The following PSD3 variants were observed in gnomAD, a reference collection of about 807,000 sequenced individuals.
PSD3 encodes the protein pleckstrin and Sec7 domain containing 3.
PSD3 carries 49 observed loss-of-function variants against 105.5 expected under a neutral mutation model. That is an observed-to-expected ratio of 0.46 (90% CI 0.37 to 0.59). PSD3 has a LOEUF of 0.59. Ranked by LOEUF, PSD3 falls within the 20% of genes least tolerant of loss-of-function variation. PSD3 has a pLI of 0.00. For missense variants in PSD3, 1,561 were observed against 1,263.8 expected (o/e 1.24, Z -3.57); for synonymous variants, 557 against 457.8 (o/e 1.22, Z -2.77).
At chr8:18,561,654 G>A (rs970801079) in intron 14 of PSD3, among the ~76,000 whole-genome samples, 1 of 151,898 alleles carries the variant, frequency 6.6e-6, no homozygotes, top group East Asian at 1.9e-4. Flanking sequence ...AATTATACCT[G>A]GAAATACATA....
At chr8:19,073,565 A>T (rs1829345323) in intron 1 of PSD3, among the ~76,000 whole-genome samples, 1 of 145,816 alleles carries the variant, frequency 6.9e-6, no homozygotes, top group Non-Finnish European at 1.5e-5. Flanking sequence ...AAAAAAAAAA[A>T]AAAAAAAAAA....
intron 2 of PSD3, among the ~76,000 whole-genome samples, chr8:18,907,160 T>C (rs34973870): frequency 1.6e-3 from 248 of 152,332 alleles, no homozygotes; most frequent in Admixed American, 2.5e-3. Context: ...ATATTTTTTA[T>C]AAATTTAGCG....
At chr8:18,567,778 A>T (rs551951116) in intron 14 of PSD3, among the ~76,000 whole-genome samples, 1 of 152,264 alleles carries the variant, frequency 6.6e-6, no homozygotes, top group East Asian at 1.9e-4. Context: ...TTGTCTTCCC[A>T]TGACTCCACC....
chr8:18,629,045 T>C (rs28824527), intron 11 of PSD3, among the ~76,000 whole-genome samples: 16,350 of 151,866 alleles, frequency 0.11, 1,310 homozygotes, highest in African/African-American at 0.22. Flanking sequence ...TTCCATATAA[T>C]AGAAAGCAAT....
At chr8:18,835,322 C>T (rs1452093200) in intron 4 of PSD3, among the ~76,000 whole-genome samples, 3 of 152,330 alleles carry the variant, frequency 2.0e-5, no homozygotes, top group South Asian at 2.1e-4. Context: ...GTTTTTCACG[C>T]ATTACTCATC....
At chr8:18,974,255 A>G (rs1824806275) in intron 1 of PSD3, among the ~76,000 whole-genome samples, 1 of 152,248 alleles carries the variant, frequency 6.6e-6, no homozygotes, top group African/African-American at 2.4e-5. Context: ...CCTCAAACTC[A>G]GACAGTGACT....
At chr8:18,610,959 A>T (rs1039988890) in intron 11 of PSD3, among the ~76,000 whole-genome samples, 5 of 152,230 alleles carry the variant, frequency 3.3e-5, no homozygotes, top group African/African-American at 9.6e-5. Flanking sequence ...ATCTACTACG[A>T]TGTGCCATAA....
intron 1 of PSD3, among the ~76,000 whole-genome samples, chr8:19,056,845 T>A (rs1457084902): frequency 6.6e-6 from 1 of 152,206 alleles, no homozygotes. Context: ...AGGGATTCAC[T>A]GTGTAAGAAT....
chr8:18,610,009 C>A (rs13248882), intron 11 of PSD3, among the ~76,000 whole-genome samples: 31,402 of 152,086 alleles, frequency 0.21, 3,478 homozygotes, highest in Middle Eastern at 0.37. Flanking sequence ...AGCGTGGTAG[C>A]ACTAAAACAG....
intron 2 of PSD3, among the ~76,000 whole-genome samples, chr8:18,927,026 T>G (rs1213684097): frequency 1.3e-5 from 2 of 152,034 alleles, no homozygotes; most frequent in East Asian, 1.9e-4. Flanking sequence ...CTCACAGAAC[T>G]CAGGGAAACA....
chr8:18,539,681 G>A (rs1800045930), intron 15 of PSD3, among the ~76,000 whole-genome samples: 1 of 151,376 alleles, frequency 6.6e-6, no homozygotes, highest in African/African-American at 2.4e-5. Flanking sequence ...TGGAGTAGCT[G>A]GGACTGCAGG....
At chr8:18,767,011 A>C (rs1807057181) in intron 8 of PSD3, among the ~76,000 whole-genome samples, 1 of 152,192 alleles carries the variant, frequency 6.6e-6, no homozygotes, top group South Asian at 2.1e-4. Flanking sequence ...CATCTTCCAA[A>C]GCTACTCACT....
At chr8:18,556,892 C>G (rs1265676281) in intron 14 of PSD3, among the ~76,000 whole-genome samples, 1 of 152,218 alleles carries the variant, frequency 6.6e-6, no homozygotes, top group Non-Finnish European at 1.5e-5. Context: ...AGCTATCTCG[C>G]TTTTCTCTTA....
rs112826196 is a variant in PSD3, at chr8:18,919,766, C to T, written c.130+16268G>A. On this transcript the variant is annotated intron_variant, in intron 2 of 15. Coordinates refer to ENST00000327040, the MANE Select transcript of PSD3 (RefSeq NM_015310.4). ...ATCGCAATAATAAAAAACCAAACAC[C>T]GCATATTCTCACTCATAGATGGGAA... 1.8e-3 allele frequency among the ~76,000 whole-genome samples: 266 copies of T among 146,986 alleles called. 2 individuals carry two copies. Among genetic ancestry groups the T allele is most frequent in the African/African-American group, 6.3e-3 (248 of 39,576 alleles).
chr8:19,081,658 A>C (rs1375630525), intron 1 of PSD3, among the ~76,000 whole-genome samples: 1 of 152,244 alleles, frequency 6.6e-6, no homozygotes, highest in African/African-American at 2.4e-5. Context: ...CATAGAACAA[A>C]CTAAGAACCA....
intron 1 of PSD3, among the ~76,000 whole-genome samples, chr8:19,008,227 C>T (rs1441657398): frequency 1.3e-5 from 2 of 151,722 alleles, no homozygotes; most frequent in Non-Finnish European, 2.9e-5. Flanking sequence ...AGAAATGAAT[C>T]GGCGAAACAT....
intron 11 of PSD3, among the ~76,000 whole-genome samples, chr8:18,624,988 G>T (rs888732963): frequency 6.6e-5 from 10 of 151,852 alleles, no homozygotes; most frequent in African/African-American, 2.2e-4. Flanking sequence ...CTCCTGTCTT[G>T]GATTCCCAAA....
intron 12 of PSD3, among the ~76,000 whole-genome samples, chr8:18,593,061 G>A (rs112251222): frequency 0.014 from 2,074 of 152,246 alleles, 56 homozygotes; most frequent in African/African-American, 0.048. Context: ...ACATAGGCAC[G>A]GGCAAGGACT....
intron 1 of PSD3, among the ~76,000 whole-genome samples, chr8:19,041,016 T>A (rs1180653871): frequency 1.3e-5 from 2 of 152,028 alleles, no homozygotes; most frequent in African/African-American, 4.8e-5. Context: ...CCTCAGCCTC[T>A]CAAAGAGCTG....
Sources: gnomAD v4.1 joint callset for allele counts (sites outside exome capture counted in the v4.1 genomes callset) on GRCh38, gnomAD v4.1.1 for gene constraint, MANE v1.5 for transcripts, NCBI Gene and HGNC (gene_info 2026-07-23, HGNC 2026-07-21) for gene names.